The following CD1A variants were observed in gnomAD, a reference collection of about 807,000 sequenced individuals.
CD1A encodes CD1a molecule.
A neutral mutation model predicts 38.3 loss-of-function variants in CD1A; 50 were observed. The ratio of observed to expected loss-of-function variants is 1.30; its 90% CI spans 1.04 to 1.65. The LOEUF (loss-of-function observed/expected upper bound fraction) is 1.65, where lower values mean the gene tolerates loss of function less well. Among genes scored for constraint, CD1A ranks in the 40% most tolerant of loss-of-function variants. The pLI, the probability that CD1A is intolerant of heterozygous loss-of-function variation, is 0.00. For missense variants in CD1A, 459 were observed against 406.1 expected, an observed-to-expected ratio of 1.13 and a Z score of -1.12; for synonymous variants, 160 against 150.8, an observed-to-expected ratio of 1.06 and a Z score of -0.45.
intron 3 of CD1A, 127 bp from the exon 4 acceptor site, chr1:158,256,659 G>T: frequency 9.3e-7 from 1 of 1,072,348 alleles, no homozygotes; most frequent in East Asian, 2.5e-5. Context: ...CATAGTGACA[G>T]AGTGAGACCC....
intron 4 of CD1A, 81 bp from the exon 5 acceptor site, chr1:158,257,340 C>A: frequency 1.8e-6 from 2 of 1,107,192 alleles, no homozygotes; most frequent in Non-Finnish European, 2.7e-6. Context: ...AAAAGAAGCC[C>A]AGGGAATGCA....
In CD1A at chr1:158,254,723, A is replaced by G. The variant is rs1205389872; in HGVS notation, c.54A>G (p.Ala18=). 1 of 1,611,868 alleles carries G rather than the reference A, an allele frequency of 6.2e-7. No homozygotes were observed. Among genetic ancestry groups the G allele is most frequent in the Non-Finnish European group, 8.5e-7 (1 of 1,178,036 alleles). The part of the protein sequence containing the change: ...LLAVLPGDGN[A]DGLKEPLSFH... ...CTGTTCTCCCAGGTGATGGCAATGC[A>G]GACGGTAAGAACTCTGACAACTGCC... The change falls in exon 1 of 6, where the codon GCA becomes GCG. Residue 18 remains alanine, a synonymous_variant. Coordinates refer to ENST00000289429, the MANE Select transcript of CD1A (RefSeq NM_001763.3).
chr1:158,255,375 A>G, intron 2 of CD1A, 25 bp downstream of exon 2: 1 of 1,609,418 alleles, frequency 6.2e-7, no homozygotes, highest in Non-Finnish European at 8.5e-7. Flanking sequence ...CTCCATGGAG[A>G]GTGGTGAGGT....
chr1:158,255,125 T>C lies in CD1A; in HGVS notation c.100T>C (p.Ser34Pro). ...CTCCTTCCATGTCACCTGGATCGCATCCTTTTACAACCATTCCTGGAAACA... is the reference window on the plus strand; with the variant it reads ...CTCCTTCCATGTCACCTGGATCGCACCCTTTTACAACCATTCCTGGAAACA... Reference protein sequence around the residue: ...PLSFHVTWIASFYNHSWKQNL... With the variant: ...PLSFHVTWIAPFYNHSWKQNL... Residue 34 changes from serine (S) to proline (P), a missense_variant, in exon 2 of 6, where the codon TCC becomes CCC. Physicochemically the swap from Ser to Pro is moderately conservative, Grantham distance 74. Coordinates refer to ENST00000289429, the MANE Select transcript of CD1A (RefSeq NM_001763.3). 1 of 1,614,120 alleles carries C rather than the reference T, an allele frequency of 6.2e-7. No individual in the cohort carries two copies. Among genetic ancestry groups the C allele is most frequent in the Non-Finnish European group, 8.5e-7 (1 of 1,180,020 alleles).
At position 158,257,371 on chromosome 1, in the gene CD1A, G is replaced by T. The variant is rs370459835; in HGVS notation, c.884-50G>T. The T allele has an allele frequency of 1.5e-3, 2,025 of 1,382,066 alleles. 51 individuals carry two copies. The South Asian group carries it at 0.022, about 15-fold the overall frequency. 85.6% of individuals were successfully genotyped at this position (1,382,066 alleles called of 1,614,324 possible). A position where few individuals can be genotyped will look rare whatever the true frequency, so the allele number is the denominator to read the frequency against. The stretch of plus-strand genomic sequence containing the variant: ...ATGCAGTGAAATAGGGAGTGGATGA[G>T]GTAAAATGGGATGGATTATAACATC... On this transcript the variant is annotated intron_variant, in intron 4 of 5. Coordinates refer to ENST00000289429, the MANE Select transcript of CD1A (RefSeq NM_001763.3).
chr1:158,250,870 A>C (rs1334790334), upstream of CD1A, among the ~76,000 whole-genome samples: 2 of 152,166 alleles, frequency 1.3e-5, no homozygotes, highest in Admixed American at 1.3e-4. Context: ...CTATATCTCT[A>C]AGGTTTTCCC....
At chr1:158,253,630 C>CT (rs1196171020), upstream of CD1A, among the ~76,000 whole-genome samples, 9 of 152,290 alleles carry the variant, frequency 5.9e-5, no homozygotes, top group East Asian at 9.6e-4. Flanking sequence ...GCACCTACCA[C>CT]TTGTGAGATA....
At chr1:158,256,332 C>T (rs752435443) in intron 3 of CD1A, 50 bp downstream of exon 3, 3 of 1,529,640 alleles carry the variant, frequency 2.0e-6, no homozygotes, top group Non-Finnish European at 1.8e-6. Flanking sequence ...AAATCATACC[C>T]TTCCACCACC....
upstream of CD1A, chr1:158,254,244 T>C (rs41273475): frequency 0.019 from 19,950 of 1,025,408 alleles, 222 homozygotes; most frequent in Non-Finnish European, 0.022. Flanking sequence ...TGGGAAAATA[T>C]TGAAAAGGAC....
chr1:158,252,216 C>T (rs1457697586), upstream of CD1A, among the ~76,000 whole-genome samples: 2 of 151,608 alleles, frequency 1.3e-5, no homozygotes, highest in Admixed American at 6.6e-5. Flanking sequence ...TGTTCTCATA[C>T]CTCAGGCCCG....
upstream of CD1A, among the ~76,000 whole-genome samples, chr1:158,249,806 C>T (rs1296128300): frequency 1.3e-5 from 2 of 152,156 alleles, no homozygotes; most frequent in African/African-American, 2.4e-5. Context: ...GCCTGGGGGC[C>T]GCACTCCATG....
upstream of CD1A, among the ~76,000 whole-genome samples, chr1:158,253,429 T>C (rs1375368982): frequency 6.6e-6 from 1 of 152,230 alleles, no homozygotes; most frequent in African/African-American, 2.4e-5. Flanking sequence ...CAGGATCTTT[T>C]ATGTAAATCT....
In CD1A at chr1:158,254,684, A is replaced by G. The variant is rs770554950; in HGVS notation, c.15A>G (p.Leu5=). Reference sequence around the variant, plus strand: ...CTGCAAATGATATGCTGTTTTTGCTACTTCCATTGTTAGCTGTTCTCCCAG... The same window carrying G: ...CTGCAAATGATATGCTGTTTTTGCTGCTTCCATTGTTAGCTGTTCTCCCAG... The part of the protein sequence containing the change: MLFL[L]LPLLAVLPGD... Residue 5 remains leucine, a synonymous_variant, in exon 1 of 6, where the codon CTA becomes CTG. Transcript: ENST00000289429. 36 of 1,613,922 alleles carry G rather than the reference A, an allele frequency of 2.2e-5. No homozygotes were observed. Among genetic ancestry groups the G allele is most frequent in the Non-Finnish European group, 1.0e-5 (12 of 1,179,988 alleles).
In CD1A at chr1:158,257,773, C is replaced by T. The variant is rs1650311181; in HGVS notation, c.*83C>T. On this transcript the variant is annotated 3_prime_UTR_variant, in exon 6 of 6. Transcript: ENST00000289429. ...CAAGGGCTCCAGACACACCTGAACA[C>T]ATCGTGATGATGACGTCCTCTCAAC... 10 of 1,185,630 alleles carry T rather than the reference C, an allele frequency of 8.4e-6. No homozygotes were observed. The highest frequency in any genetic ancestry group is 1.9e-4 in the Middle Eastern group (1 of 5,146). 73.4% of individuals were successfully genotyped at this position (1,185,630 alleles called of 1,614,324 possible).
In CD1A at chr1:158,257,683, T is replaced by G. The variant is rs549799672; in HGVS notation, c.977T>G (p.Phe326Cys). 1 of 1,614,102 alleles carries G rather than the reference T, an allele frequency of 6.2e-7. No individual in the cohort carries two copies. Among genetic ancestry groups the G allele is most frequent in the South Asian group, 1.1e-5 (1 of 91,078 alleles). The change falls in exon 6 of 6, where the codon TTC becomes TGC. Residue 326 changes from phenylalanine to cysteine, a missense_variant and splice_region_variant. By Grantham distance (205) the Phe-to-Cys change is radical (BLOSUM62 -2). Transcript: ENST00000289429. ...CTTCTATCTCTGTTCTCATCCAGTT[T>G]CTGTTAAGACACACCATGAGCCTCC... ...GLALWFRKRC[F>C]C
Position 158,255,222 on chromosome 1 carries a change from T to C in CD1A, c.197T>C (p.Phe66Ser). The C allele has an allele frequency of 6.2e-7, 1 of 1,614,186 alleles. No individual in the cohort carries two copies. The highest frequency in any genetic ancestry group is 8.5e-7 in the Non-Finnish European group (1 of 1,180,020). ...TWDSNSSTIV[F>S]LCPWSRGNFS... Reference sequence around the variant, plus strand: ...GACAGCAATTCCAGCACCATCGTTTTCCTGTGCCCCTGGTCCAGGGGAAAC... The same window carrying C: ...GACAGCAATTCCAGCACCATCGTTTCCCTGTGCCCCTGGTCCAGGGGAAAC... Residue 66 changes from phenylalanine (F) to serine (S), a missense_variant, in exon 2 of 6, where the codon TTC becomes TCC. Coordinates refer to ENST00000289429, the MANE Select transcript of CD1A (RefSeq NM_001763.3).
Position 158,257,791 on chromosome 1 carries a change from C to A in CD1A, c.*101C>A. On this transcript the variant is annotated 3_prime_UTR_variant, in exon 6 of 6. Coordinates refer to ENST00000289429, the MANE Select transcript of CD1A (RefSeq NM_001763.3). ...CTGAACACATCGTGATGATGACGTC[C>A]TCTCAACTCTCTTTGTAAAAATTTT... 1 of 951,620 alleles carries A rather than the reference C, an allele frequency of 1.1e-6. No homozygotes were observed. Among genetic ancestry groups the A allele is most frequent in the South Asian group, 1.4e-5 (1 of 69,182 alleles). 58.9% of individuals were successfully genotyped at this position (951,620 alleles called of 1,614,324 possible). A position where few individuals can be genotyped will look rare whatever the true frequency, so the allele number is the denominator to read the frequency against.
upstream of CD1A, chr1:158,254,152 A>G: frequency 1.0e-6 from 1 of 986,280 alleles, no homozygotes; most frequent in Non-Finnish European, 1.2e-6. Flanking sequence ...GTCGTAGGAG[A>G]CTCTGAAAAA....
At chr1:158,257,557 C>T (rs939929640) in intron 5 of CD1A, 46 bp downstream of exon 5, 4 of 1,579,340 alleles carry the variant, frequency 2.5e-6, no homozygotes, top group Non-Finnish European at 2.6e-6. Flanking sequence ...CTCTACCCCA[C>T]TTTTCTTCCC....
Sources: gnomAD v4.1 joint callset for allele counts (sites outside exome capture counted in the v4.1 genomes callset) on GRCh38, gnomAD v4.1.1 for gene constraint, MANE v1.5 for transcripts, NCBI Gene and HGNC (gene_info 2026-07-23, HGNC 2026-07-21) for gene names.